The following LRP11 variants were observed in gnomAD, a reference collection of about 807,000 sequenced individuals.
LRP11 encodes the protein LDL receptor related protein 11.
In LRP11, 25 loss-of-function variants were observed where a neutral mutation model predicts 43.1. The observed-to-expected ratio is 0.58, with a 90% confidence interval of 0.42 to 0.81. The LOEUF is 0.81. Ranked by LOEUF, LRP11 falls within the 30% of genes least tolerant of loss-of-function variation. LRP11 has a pLI of 0.00. For missense variants in LRP11, 623 were observed against 665.1 expected (o/e 0.94, Z 0.70); for synonymous variants, 316 against 299.4 (o/e 1.06, Z -0.57).
intron 4 of LRP11, 65 bp downstream of exon 4, chr6:149,837,273 G>A: frequency 6.4e-7 from 1 of 1,551,090 alleles, no homozygotes; most frequent in Non-Finnish European, 8.8e-7. Context: ...TTCATTCTCA[G>A]AACACAGACC....
intron 3 of LRP11, 38 bp downstream of exon 3, chr6:149,842,945 A>G: frequency 2.5e-6 from 4 of 1,611,954 alleles, no homozygotes; most frequent in Non-Finnish European, 3.4e-6. Flanking sequence ...ATTGCCTTCC[A>G]CAAGCAGTGG....
chr6:149,857,563 GC>G (rs1203258197), intron 1 of LRP11, among the ~76,000 whole-genome samples: 1 of 150,508 alleles, frequency 6.6e-6, no homozygotes. Flanking sequence ...CCCCAAATAA[GC>G]CCCTTTCTTG....
intron 1 of LRP11, among the ~76,000 whole-genome samples, chr6:149,861,390 C>T (rs186323394): frequency 1.0e-3 from 156 of 152,284 alleles, no homozygotes; most frequent in African/African-American, 3.7e-3. Flanking sequence ...ACCAGCACCG[C>T]GCTCGCCTAT....
rs1013363917 is a variant in LRP11, at chr6:149,837,417, G to C, written c.960C>G (p.Gly320=). 6.2e-6 allele frequency: 10 copies of C among 1,614,116 alleles called. No individual in the cohort carries two copies. Among genetic ancestry groups the C allele is most frequent in the Non-Finnish European group, 8.5e-6 (10 of 1,180,014 alleles). ...CSRYHFFCDD[G]CCIDITLACD... ...AGGCGAGCGTGATGTCAATGCAGCA[G>C]CCATCGTCACAGAAGAAGTGGTAGC... The change falls in exon 4 of 7, where the codon GGC becomes GGG. Residue 320 remains glycine (G), a synonymous_variant. Transcript: ENST00000239367.
At chr6:149,828,850 C>T (rs1776373120) in intron 5 of LRP11, among the ~76,000 whole-genome samples, 1 of 152,086 alleles carries the variant, frequency 6.6e-6, no homozygotes, top group African/African-American at 2.4e-5. Flanking sequence ...GTTTAGATTA[C>T]TACAGAGACT....
intron 5 of LRP11, among the ~76,000 whole-genome samples, chr6:149,831,089 T>C (rs1439628626): frequency 3.3e-5 from 5 of 152,226 alleles, no homozygotes; most frequent in African/African-American, 1.2e-4. Context: ...CTGGAAATAG[T>C]TACTTTTGGT....
At position 149,832,958 on chromosome 6, in the gene LRP11, G is replaced by A. The variant is rs369384200; in HGVS notation, c.1252+3127C>T. Among the ~76,000 whole-genome samples the A allele has an allele frequency of 1.7e-3, 257 of 152,230 alleles. 1 individual carries two copies. Among genetic ancestry groups the A allele is most frequent in the African/African-American group, 5.8e-3 (241 of 41,540 alleles). ...CGAGTAGCTGGGACCACAGGTGCCC[G>A]CCACCACGTCCAGCTAATTTTTTGT... On this transcript the variant is annotated intron_variant, in intron 5 of 6. Coordinates refer to ENST00000239367, the MANE Select transcript of LRP11 (RefSeq NM_032832.6).
intron 3 of LRP11, among the ~76,000 whole-genome samples, chr6:149,840,842 A>C (rs1776535472): frequency 1.3e-5 from 2 of 152,176 alleles, no homozygotes; most frequent in Admixed American, 6.5e-5. Flanking sequence ...CCAAGGGACC[A>C]ATGATGTTTT....
chr6:149,842,404 A>T, intron 3 of LRP11: 1 of 546,472 alleles, frequency 1.8e-6, no homozygotes, highest in Non-Finnish European at 3.2e-6. Context: ...TTTTGTGATG[A>T]CAACATTTAA....
Position 149,861,183 on chromosome 6 carries a change from T to TA in LRP11, c.613+2224dup, listed in dbSNP as rs1776887172. ...ACGAACAATTCAAGAAGGAAAAACT[T>TA]AGTCTCTGAAGCATAAACAACTTCA... On this transcript the variant is annotated intron_variant, in intron 1 of 6. Transcript: ENST00000239367. Among the ~76,000 whole-genome samples, 5 of 152,252 alleles carry TA rather than the reference T, an allele frequency of 3.3e-5. No homozygotes were observed. In the South Asian group the frequency reaches 1.0e-3, roughly 32 times the overall value.
chr6:149,828,021 CAA>C (rs565973934), intron 5 of LRP11, among the ~76,000 whole-genome samples: 41 of 79,314 alleles, frequency 5.2e-4, no homozygotes, highest in African/African-American at 1.0e-3. Context: ...GACTCCGTCT[CAA>C]AAAAAAAAAA....
intron 2 of LRP11, among the ~76,000 whole-genome samples, chr6:149,845,192 G>A (rs181584482): frequency 6.6e-6 from 1 of 152,316 alleles, no homozygotes; most frequent in Non-Finnish European, 1.5e-5. Context: ...ACCTGATGAG[G>A]ATCAAATAAG....
In LRP11 at chr6:149,853,023, C is replaced by A; in HGVS notation, c.751G>T (p.Asp251Tyr). 1.9e-6 allele frequency: 3 copies of A among 1,601,066 alleles called. No homozygotes were observed. Among genetic ancestry groups the A allele is most frequent in the Non-Finnish European group, 2.6e-6 (3 of 1,174,714 alleles). ...GTTACCTTCATGTCCACTGACGGGT[C>A]CCCCTGCAGCAGTGCCCACTCATAC... ...VQYEWALLQG[D>Y]PSVDMKVPQS... Residue 251 changes from aspartate (D) to tyrosine (Y), a missense_variant, in exon 2 of 7, where the codon GAC (aspartate) becomes TAC (tyrosine). Asp to Tyr is a radical substitution (Grantham distance 160). Transcript: ENST00000239367.
At chr6:149,828,972 A>C (rs369593701) in intron 5 of LRP11, among the ~76,000 whole-genome samples, 12 of 152,310 alleles carry the variant, frequency 7.9e-5, no homozygotes, top group Admixed American at 3.3e-4. Flanking sequence ...GATCTCCAAA[A>C]GAAACACAAG....
chr6:149,841,518 G>A (rs7744446), intron 3 of LRP11, among the ~76,000 whole-genome samples: 5,209 of 152,300 alleles, frequency 0.034, 293 homozygotes, highest in African/African-American at 0.12. Context: ...AATTGTGTGT[G>A]TGGTGAGGGG....
chr6:149,827,205 G>A lies in LRP11; in HGVS notation c.1253-846C>T, dbSNP rs1020869458. Among the ~76,000 whole-genome samples, 2 of 152,104 alleles carry A rather than the reference G, an allele frequency of 1.3e-5. No individual in the cohort carries two copies. The highest frequency in any genetic ancestry group is 2.9e-5 in the Non-Finnish European group (2 of 68,018). On this transcript the variant is annotated intron_variant, in intron 5 of 6. Transcript: ENST00000239367. This position sits in a 1 kb window ranked among gnomAD's most constrained non-coding sequence, Gnocchi z 4.2. Reference sequence around the variant, plus strand: ...GGGCTCAAGTGATCCGCTCACCTCAGCCTCCCAAAGTGCTGGGATGACAGG... The same window carrying A: ...GGGCTCAAGTGATCCGCTCACCTCAACCTCCCAAAGTGCTGGGATGACAGG...
chr6:149,820,525 C>T lies in LRP11; in HGVS notation c.*24G>A, dbSNP rs1473162484. The stretch of plus-strand genomic sequence containing the variant: ...AAATTATAAACAAAACATGTCCCTG[C>T]CCCAAGGTATTGAAATTACATTACT... On this transcript the variant is annotated 3_prime_UTR_variant, in exon 7 of 7. Coordinates refer to ENST00000239367, the MANE Select transcript of LRP11 (RefSeq NM_032832.6). The T allele has an allele frequency of 1.3e-6, 1 of 774,506 alleles. No individual in the cohort carries two copies. The highest frequency in any genetic ancestry group is 1.7e-5 in the Admixed American group (1 of 58,326). The allele number at this position is 774,506 out of a possible 1,614,324, so 48.0% of individuals were successfully genotyped here. A position where few individuals can be genotyped will look rare whatever the true frequency, so the allele number is the denominator to read the frequency against.
At chr6:149,853,602 G>A (rs916288185) in intron 1 of LRP11, among the ~76,000 whole-genome samples, 1 of 152,174 alleles carries the variant, frequency 6.6e-6, no homozygotes, top group Non-Finnish European at 1.5e-5. Flanking sequence ...CTCCCTCCCG[G>A]GTTCAAGCGG....
In LRP11 at chr6:149,842,969, G is replaced by T. The variant is rs1776572077; in HGVS notation, c.913+14C>A. On this transcript the variant is annotated intron_variant, in intron 3 of 6. Coordinates refer to ENST00000239367, the MANE Select transcript of LRP11 (RefSeq NM_032832.6). ...CACAAGCAGTGGGAAGCGAGGGAAG[G>T]ACTTTCTTCTCACCTCCTGTGGAGT... is the stretch of plus-strand genomic sequence containing the variant. The T allele has an allele frequency of 1.2e-6, 2 of 1,613,862 alleles. No individual in the cohort carries two copies. Among genetic ancestry groups the T allele is most frequent in the South Asian group, 1.1e-5 (1 of 91,074 alleles).
Sources: gnomAD v4.1 joint callset for allele counts (sites outside exome capture counted in the v4.1 genomes callset) on GRCh38, gnomAD v4.1.1 for gene constraint, Gnocchi (gnomAD v3.1) non-coding constraint, MANE v1.5 for transcripts, NCBI Gene and HGNC (gene_info 2026-07-23, HGNC 2026-07-21) for gene names.